Variants in CNTNAP5 observed in about 807,000 individuals in gnomAD.
CNTNAP5 encodes contactin-associated protein-like 5.
Under a neutral mutation model 150.2 loss-of-function variants are expected in CNTNAP5, and 72 were observed. The observed-to-expected ratio is 0.48, with a 90% confidence interval of 0.40 to 0.58. CNTNAP5 has a LOEUF of 0.58. Ranked by LOEUF, CNTNAP5 falls within the 20% of genes least tolerant of loss-of-function variation. CNTNAP5 has a pLI of 0.00. For missense variants in CNTNAP5, 1,636 were observed against 1,626.2 expected, an observed-to-expected ratio of 1.01 and a Z score of -0.10; for synonymous variants, 672 against 619.8, an observed-to-expected ratio of 1.08 and a Z score of -1.25.
chr2:124,262,467 A>T (rs912218811), intron 3 of CNTNAP5, among the ~76,000 whole-genome samples: 2 of 152,186 alleles, frequency 1.3e-5, no homozygotes, highest in African/African-American at 4.8e-5. Context: ...TTGCTTAAGA[A>T]ATACCAGCAT....
At position 124,048,841 on chromosome 2, in the gene CNTNAP5, C is replaced by A. The variant is rs372897759; in HGVS notation, c.82+23109C>A. 1.8e-4 allele frequency among the ~76,000 whole-genome samples: 28 copies of A among 152,302 alleles called. 2 individuals carry two copies. The South Asian group carries it at 5.8e-3, about 32-fold the overall frequency. ...TTTGGATGTCCTCATAAGTATACAG[C>A]AGAAATTGGACACAGTGTCCTTGAA... On this transcript the variant is annotated intron_variant, in intron 1 of 23. Coordinates refer to ENST00000682447, the MANE Select transcript of CNTNAP5 (RefSeq NM_001367498.1).
intron 6 of CNTNAP5, among the ~76,000 whole-genome samples, chr2:124,470,484 T>C (rs981858999): frequency 6.6e-6 from 1 of 152,170 alleles, no homozygotes; most frequent in African/African-American, 2.4e-5. Flanking sequence ...GTCAGATGAA[T>C]AGGTTGCAAA....
intron 11 of CNTNAP5, among the ~76,000 whole-genome samples, chr2:124,577,544 G>A (rs1696311395): frequency 6.6e-6 from 1 of 152,160 alleles, no homozygotes; most frequent in South Asian, 2.1e-4. Flanking sequence ...CAAATATTGT[G>A]GGTGACACTT....
At chr2:124,880,306 A>G (rs567307870) in intron 21 of CNTNAP5, among the ~76,000 whole-genome samples, 228 of 152,214 alleles carry the variant, frequency 1.5e-3, no homozygotes, top group African/African-American at 5.3e-3. Context: ...TTAATATTCT[A>G]AAGTTCTCTG....
chr2:124,235,101 G>C (rs1452194765), intron 2 of CNTNAP5, among the ~76,000 whole-genome samples: 1 of 152,144 alleles, frequency 6.6e-6, no homozygotes, highest in Non-Finnish European at 1.5e-5. Flanking sequence ...TGAAGTCAAG[G>C]TTCCTTCAGA....
intron 11 of CNTNAP5, among the ~76,000 whole-genome samples, chr2:124,578,849 C>T (rs1696351456): frequency 6.6e-6 from 1 of 152,072 alleles, no homozygotes; most frequent in Admixed American, 6.6e-5. Flanking sequence ...ACAGCTTTTT[C>T]CCAGGATCAT....
chr2:124,830,895 A>G (rs1369554452), intron 19 of CNTNAP5, among the ~76,000 whole-genome samples: 1 of 152,062 alleles, frequency 6.6e-6, no homozygotes, highest in Non-Finnish European at 1.5e-5. Flanking sequence ...TAATTCACAA[A>G]TCAGGTGCAG....
chr2:124,462,512 T>G (rs1449795524), intron 6 of CNTNAP5, among the ~76,000 whole-genome samples: 6 of 152,218 alleles, frequency 3.9e-5, no homozygotes, highest in Non-Finnish European at 5.9e-5. Flanking sequence ...ATGCATTGTT[T>G]TCATTAACAT....
intron 7 of CNTNAP5, among the ~76,000 whole-genome samples, chr2:124,485,759 T>C (rs554469911): frequency 1.3e-5 from 2 of 151,994 alleles, no homozygotes; most frequent in African/African-American, 4.8e-5. Flanking sequence ...GGGTCAACCA[T>C]GCAGATTCCC....
chr2:124,177,062 A>ACTCTCAAACTCCTGAC (rs1335679200), intron 1 of CNTNAP5, among the ~76,000 whole-genome samples: 1 of 151,626 alleles, frequency 6.6e-6, no homozygotes, highest in Non-Finnish European at 1.5e-5. Context: ...TGGCCAGGCT[A>ACTCTCAAACTCCTGAC]CTCTCAAACT....
At chr2:124,695,433 T>C (rs1333678628) in intron 13 of CNTNAP5, among the ~76,000 whole-genome samples, 3 of 152,174 alleles carry the variant, frequency 2.0e-5, no homozygotes, top group Non-Finnish European at 2.9e-5. Context: ...ATTCACAAAA[T>C]TTCTGAATAT....
chr2:124,175,211 C>T (rs1685031284), intron 1 of CNTNAP5, among the ~76,000 whole-genome samples: 1 of 133,174 alleles, frequency 7.5e-6, no homozygotes, highest in Admixed American at 7.6e-5. Flanking sequence ...GTATACATCA[C>T]ACAAGTGGGA....
At chr2:124,826,613 C>T (rs561322374) in intron 19 of CNTNAP5, among the ~76,000 whole-genome samples, 56 of 152,098 alleles carry the variant, frequency 3.7e-4, no homozygotes, top group African/African-American at 1.3e-3. Context: ...CTTGTGGACT[C>T]ATTAGAAATG....
chr2:124,653,259 G>A (rs980192297), intron 13 of CNTNAP5, among the ~76,000 whole-genome samples: 9 of 151,984 alleles, frequency 5.9e-5, no homozygotes, highest in African/African-American at 2.2e-4. Context: ...TTATTTTAAA[G>A]TATTTTAAAA....
intron 14 of CNTNAP5, among the ~76,000 whole-genome samples, chr2:124,747,632 T>C (rs1680635694): frequency 7.3e-6 from 1 of 136,228 alleles, no homozygotes; most frequent in South Asian, 2.5e-4. Context: ...TTTTTTTTTT[T>C]TTTTTTGAGA....
At chr2:124,639,260 G>A (rs895515999) in intron 12 of CNTNAP5, among the ~76,000 whole-genome samples, 2 of 152,156 alleles carry the variant, frequency 1.3e-5, no homozygotes, top group Non-Finnish European at 2.9e-5. Flanking sequence ...TGGCAGGACT[G>A]GAAAAGACCA....
At chr2:124,355,681 C>A (rs1306084229) in intron 3 of CNTNAP5, among the ~76,000 whole-genome samples, 1 of 152,086 alleles carries the variant, frequency 6.6e-6, no homozygotes, top group Admixed American at 6.6e-5. Context: ...GCTCAAAGTC[C>A]CAGCAGGCAA....
At chr2:124,773,269 T>A (rs1681245568) in intron 17 of CNTNAP5, among the ~76,000 whole-genome samples, 1 of 152,192 alleles carries the variant, frequency 6.6e-6, no homozygotes, top group South Asian at 2.1e-4. Context: ...TGTAATATTG[T>A]CTTCAGATGC....
chr2:124,083,256 G>T (rs897401049), intron 1 of CNTNAP5, among the ~76,000 whole-genome samples: 2 of 152,194 alleles, frequency 1.3e-5, no homozygotes, highest in African/African-American at 4.8e-5. Context: ...GCTGAGGCAG[G>T]AGAATTGCTT....
Sources: gnomAD v4.1 joint callset for allele counts (sites outside exome capture counted in the v4.1 genomes callset) on GRCh38, gnomAD v4.1.1 for gene constraint, MANE v1.5 for transcripts, NCBI Gene and HGNC (gene_info 2026-07-23, HGNC 2026-07-21) for gene names.